The following DPYSL5 variants were observed in gnomAD, a reference collection of about 807,000 sequenced individuals.
DPYSL5 encodes dihydropyrimidinase like 5, also known as dihydropyrimidinase-related protein 5.
DPYSL5 carries 9 observed loss-of-function variants against 58.4 expected under a neutral mutation model. The observed-to-expected ratio is 0.15, with a 90% CI of 0.09 to 0.27. DPYSL5 has a LOEUF of 0.27. Ranked by LOEUF, DPYSL5 falls within the 10% of genes least tolerant of loss-of-function variation. The probability of loss-of-function intolerance (pLI) is 1.00; values close to 1 mark genes in which losing one functional copy is unlikely to be tolerated. For synonymous variants in DPYSL5, 293 were observed against 301.9 expected (o/e 0.97, Z 0.31); for missense variants, 499 against 770.6 (o/e 0.65, Z 4.17).
At chr2:26,910,617 T>C (rs1450607224) in intron 2 of DPYSL5, among the ~76,000 whole-genome samples, 6 of 54,050 alleles carry the variant, frequency 1.1e-4, no homozygotes, top group Non-Finnish European at 2.5e-4. Context: ...CTTCTTCTTC[T>C]TTTTTTTTTT....
chr2:26,883,040 G>T (rs1445273427), intron 1 of DPYSL5, among the ~76,000 whole-genome samples: 1 of 151,632 alleles, frequency 6.6e-6, no homozygotes, highest in African/African-American at 2.4e-5. Context: ...TCCATATTTT[G>T]ATTGTAAGCA....
At chr2:26,912,396 T>C (rs1254385662) in intron 2 of DPYSL5, among the ~76,000 whole-genome samples, 1 of 152,224 alleles carries the variant, frequency 6.6e-6, no homozygotes, top group African/African-American at 2.4e-5. Context: ...TTGAGGCAGC[T>C]GAAGGATGGA....
chr2:26,949,933 CTGT>C lies in DPYSL5; in HGVS notation c.*2943_*2945del, dbSNP rs983891870. Reference sequence around the variant, plus strand: ...TGGTCTTGTACTTGCTGAATAAATACTGTTGTTCTTGCCTTAGCTGCTCTCTAG... The same window carrying C: ...TGGTCTTGTACTTGCTGAATAAATACTGTTCTTGCCTTAGCTGCTCTCTAG... On this transcript the variant is annotated 3_prime_UTR_variant, in exon 13 of 13. Coordinates refer to ENST00000288699, the MANE Select transcript of DPYSL5 (RefSeq NM_020134.4). The C allele has an allele frequency of 1.3e-5, 2 of 152,492 alleles. No individual in the cohort carries two copies. The highest frequency in any genetic ancestry group is 2.9e-5 in the Non-Finnish European group (2 of 68,278). The allele number at this position is 152,492 out of a possible 1,614,324, so 9.4% of individuals were successfully genotyped here.
chr2:26,931,165 A>ATGTGTG (rs1272980596), intron 5 of DPYSL5, among the ~76,000 whole-genome samples: 13 of 50,358 alleles, frequency 2.6e-4, no homozygotes, highest in East Asian at 4.5e-4. Context: ...ATATATATAT[A>ATGTGTG]TATATGTGTG....
intron 2 of DPYSL5, among the ~76,000 whole-genome samples, chr2:26,913,022 T>C (rs1343135957): frequency 6.6e-6 from 1 of 152,230 alleles, no homozygotes; most frequent in Admixed American, 6.5e-5. Flanking sequence ...AGTTTTCTTA[T>C]CTGTAAAATG....
rs138036429 is a variant in DPYSL5, at chr2:26,895,904, C to T, written c.-4-2592C>T. On this transcript the variant is annotated intron_variant, in intron 1 of 12. Transcript: ENST00000288699. The stretch of plus-strand genomic sequence containing the variant: ...TAAGCAATTCTCTACCTCAGCCTCC[C>T]GAGTAGCTGGGATTACAAGCACCCA... Among the ~76,000 whole-genome samples, 882 of 151,460 alleles carry T rather than the reference C, an allele frequency of 5.8e-3. 7 individuals are homozygous for T. Among genetic ancestry groups the T allele is most frequent in the African/African-American group, 0.019 (763 of 41,242 alleles).
At chr2:26,923,348 T>C (rs1664750666) in intron 2 of DPYSL5, among the ~76,000 whole-genome samples, 1 of 152,182 alleles carries the variant, frequency 6.6e-6, no homozygotes, top group African/African-American at 2.4e-5. Flanking sequence ...AACAAAAACC[T>C]AAGTTCTGAG....
In DPYSL5 at chr2:26,927,608, A is replaced by G. The variant is rs1664859556; in HGVS notation, c.600+176A>G. ...TTGGTCAGAAAATCCAAACTTTACT[A>G]CTGTCTGTAAAAAACAAATCTCTTT... On this transcript the variant is annotated intron_variant, in intron 4 of 12. Coordinates refer to ENST00000288699, the MANE Select transcript of DPYSL5 (RefSeq NM_020134.4). The surrounding 1 kb of genome is among the most constrained non-coding windows in gnomAD (Gnocchi z 4.3). Among the ~76,000 whole-genome samples the G allele has an allele frequency of 6.6e-6, 1 of 152,220 alleles. No homozygotes were observed. The highest frequency in any genetic ancestry group is 2.4e-5 in the African/African-American group (1 of 41,456).
At position 26,882,262 on chromosome 2, in the gene DPYSL5, T is replaced by C. The variant is rs183875386; in HGVS notation, c.-4-16234T>C. Among the ~76,000 whole-genome samples the C allele has an allele frequency of 1.4e-3, 213 of 152,240 alleles. 1 individual carries two copies. Among genetic ancestry groups the C allele is most frequent in the African/African-American group, 4.9e-3 (205 of 41,538 alleles). On this transcript the variant is annotated intron_variant, in intron 1 of 12. Transcript: ENST00000288699. ...CAATATTTACTTATTTATTTATTCA[T>C]TGAGACAAGGTCTCACTCTGTCACC... is the stretch of plus-strand genomic sequence containing the variant.
intron 8 of DPYSL5, among the ~76,000 whole-genome samples, chr2:26,937,778 G>GT (rs1404331743): frequency 7.3e-5 from 11 of 151,486 alleles, no homozygotes; most frequent in African/African-American, 2.4e-4. Context: ...TTGTTTGTTT[G>GT]TTGAGCCAGG....
intron 1 of DPYSL5, among the ~76,000 whole-genome samples, chr2:26,882,413 T>TTG (rs1314817519): frequency 7.2e-5 from 10 of 138,766 alleles, no homozygotes; most frequent in East Asian, 2.1e-4. Flanking sequence ...GCCCAGCTTA[T>TTG]TGTGTGTGTG....
At chr2:26,870,368 T>C (rs1183203638) in intron 1 of DPYSL5, among the ~76,000 whole-genome samples, 1 of 152,208 alleles carries the variant, frequency 6.6e-6, no homozygotes, top group African/African-American at 2.4e-5. Context: ...TGCTGCTAAC[T>C]TCCATGATGA....
At chr2:26,888,084 G>T (rs1187802646) in intron 1 of DPYSL5, among the ~76,000 whole-genome samples, 1 of 152,198 alleles carries the variant, frequency 6.6e-6, no homozygotes, top group East Asian at 1.9e-4. Context: ...CAAGGTCACT[G>T]TTGACAAAGT....
intron 6 of DPYSL5, among the ~76,000 whole-genome samples, chr2:26,932,179 G>GAA (rs1384996849): frequency 2.7e-5 from 2 of 73,226 alleles, no homozygotes; most frequent in Admixed American, 1.3e-4. Context: ...AAGAAAGAAA[G>GAA]AAAGAAAGAA....
chr2:26,919,115 C>T (rs74625417), intron 2 of DPYSL5, among the ~76,000 whole-genome samples: 2,071 of 152,222 alleles, frequency 0.014, 37 homozygotes, highest in African/African-American at 0.047. Flanking sequence ...TCTCCAATGC[C>T]GTGATGTCAG....
chr2:26,916,904 T>C (rs1279841150), intron 2 of DPYSL5, among the ~76,000 whole-genome samples: 2 of 152,230 alleles, frequency 1.3e-5, no homozygotes, highest in African/African-American at 4.8e-5. Flanking sequence ...CTGGAGCATC[T>C]GATACACATA....
At chr2:26,908,478 T>C (rs773496079) in intron 2 of DPYSL5, among the ~76,000 whole-genome samples, 33 of 152,226 alleles carry the variant, frequency 2.2e-4, no homozygotes, top group Non-Finnish European at 3.4e-4. Context: ...ATTCTACGTG[T>C]ACATTAATTG....
chr2:26,932,588 G>A (rs72851871), intron 6 of DPYSL5, among the ~76,000 whole-genome samples: 3,447 of 152,264 alleles, frequency 0.023, 94 homozygotes, highest in African/African-American at 0.072. Flanking sequence ...TTACTTCCTG[G>A]TGGAACTTAA....
intron 2 of DPYSL5, among the ~76,000 whole-genome samples, chr2:26,916,271 A>T (rs1192275213): frequency 1.3e-5 from 2 of 152,140 alleles, no homozygotes; most frequent in Non-Finnish European, 2.9e-5. Context: ...TGTACACTAC[A>T]GCCAGAGTAA....
Sources: allele counts gnomAD v4.1 joint callset (sites outside exome capture counted in the v4.1 genomes callset), GRCh38; gene constraint gnomAD v4.1.1; non-coding constraint Gnocchi (gnomAD v3.1); transcripts MANE v1.5; gene names NCBI Gene and HGNC (gene_info 2026-07-23, HGNC 2026-07-21).